ATP10D: variants seen among roughly 807,000 people sequenced by gnomAD.
The protein encoded by ATP10D is phospholipid-transporting ATPase VD.
ATP10D carries 89 observed loss-of-function variants against 144.8 expected under a neutral mutation model. That is an observed-to-expected ratio of 0.61 (90% CI 0.52 to 0.73). ATP10D has a LOEUF of 0.73. ATP10D is among the 30% of genes least tolerant of loss of function. ATP10D has a pLI of 0.00. For missense variants in ATP10D, 1,603 were observed against 1,714.8 expected, an observed-to-expected ratio of 0.93 and a Z score of 1.15; for synonymous variants, 571 against 615.1, an observed-to-expected ratio of 0.93 and a Z score of 1.06.
At chr4:47,549,240 A>G in intron 10 of ATP10D, among the ~76,000 whole-genome samples, 1 of 152,208 alleles carries the variant, frequency 6.6e-6, no homozygotes, top group Non-Finnish European at 1.5e-5. Context: ...CTTCTCTTAG[A>G]TCTTTGTATA....
chr4:47,558,806 A>G, intron 12 of ATP10D, 117 bp from the exon 13 acceptor site: 1 of 819,146 alleles, frequency 1.2e-6, no homozygotes, highest in Non-Finnish European at 1.9e-6. Flanking sequence ...TGGGATTCAA[A>G]ACCAGAAGGC....
At position 47,535,510 on chromosome 4, in the gene ATP10D, G is replaced by A; in HGVS notation, c.778G>A (p.Glu260Lys). ...NDLSRFRGFLEHSNKERVGLS... is the reference protein window; with the variant it reads ...NDLSRFRGFLKHSNKERVGLS... ...ATTTATATGCTGTCTTTCTTATAGA[G>A]AACATTCCAACAAAGAACGCGTGGG... Residue 260 changes from glutamate to lysine, a missense_variant and splice_region_variant, in exon 6 of 23, where the codon GAA (glutamate) becomes AAA (lysine). Physicochemically the swap from Glu to Lys is moderately conservative, Grantham distance 56. Transcript: ENST00000273859. 3 of 1,607,652 alleles carry A rather than the reference G, an allele frequency of 1.9e-6. No homozygotes were observed. The highest frequency in any genetic ancestry group is 2.5e-6 in the Non-Finnish European group (3 of 1,177,584).
intron 5 of ATP10D, among the ~76,000 whole-genome samples, chr4:47,532,274 A>G (rs372268018): frequency 2.4e-4 from 36 of 152,238 alleles, no homozygotes; most frequent in African/African-American, 7.5e-4. Context: ...CCAAGGCCCT[A>G]TTAGCTTTCT....
intron 15 of ATP10D, among the ~76,000 whole-genome samples, chr4:47,566,126 A>G (rs537135512): frequency 6.6e-6 from 1 of 152,314 alleles, no homozygotes; most frequent in South Asian, 2.1e-4. Context: ...TGCTCCTATA[A>G]CATTCTAAGC....
At chr4:47,535,790 A>C in intron 6 of ATP10D, 112 bp from the exon 7 acceptor site, 3 of 1,363,230 alleles carry the variant, frequency 2.2e-6, no homozygotes, top group Non-Finnish European at 3.0e-6. Context: ...CTGACAAAAT[A>C]GATCATGTAA....
intron 21 of ATP10D, among the ~76,000 whole-genome samples, chr4:47,585,349 TA>T (rs1360041289): frequency 1.3e-5 from 2 of 152,164 alleles, no homozygotes; most frequent in East Asian, 3.8e-4. Context: ...AATCTTTTTT[TA>T]TTTCTAAAAT....
Position 47,563,576 on chromosome 4 carries a change from T to G in ATP10D, c.2669-5T>G, listed in dbSNP as rs758417978. Reference sequence around the variant, plus strand: ...AAGTCCTATTGCACTTTGGTTATTTTTTAGGTGCTACTGGCATTGAAGACC... The same window carrying G: ...AAGTCCTATTGCACTTTGGTTATTTGTTAGGTGCTACTGGCATTGAAGACC... On this transcript the variant is annotated splice_region_variant and splice_polypyrimidine_tract_variant and intron_variant, in intron 14 of 22. Transcript: ENST00000273859. 2 of 1,595,714 alleles carry G rather than the reference T, an allele frequency of 1.3e-6. No individual in the cohort carries two copies. Among genetic ancestry groups the G allele is most frequent in the South Asian group, 2.3e-5 (2 of 87,750 alleles).
intron 1 of ATP10D, among the ~76,000 whole-genome samples, chr4:47,489,858 A>G (rs1714981638): frequency 6.6e-6 from 1 of 152,220 alleles, no homozygotes; most frequent in African/African-American, 2.4e-5. Flanking sequence ...TTCATTTGCC[A>G]GGGCCTACGG....
rs1186627827 is a variant in ATP10D at position 47,491,439 on chromosome 4, C to T, written c.-38+5920C>T. 14 of 712,062 alleles carry T rather than the reference C, an allele frequency of 2.0e-5. No individual in the cohort carries two copies. In the East Asian group the frequency reaches 3.6e-4, roughly 18 times the overall value. The allele number at this position is 712,062 out of a possible 1,614,324, so 44.1% of individuals were successfully genotyped here. On this transcript the variant is annotated intron_variant, in intron 1 of 22. Coordinates refer to ENST00000273859, the MANE Select transcript of ATP10D (RefSeq NM_020453.4). ...AGAGAACATGTATGGGGTGCCGCTC[C>T]TCTTTCCCTTTGTGTTTGTCATTTT...
chr4:47,495,886 C>A (rs747003958), intron 1 of ATP10D, among the ~76,000 whole-genome samples: 1 of 151,794 alleles, frequency 6.6e-6, no homozygotes, highest in Non-Finnish European at 1.5e-5. Flanking sequence ...TACCGGCATG[C>A]GCCACCGCGC....
chr4:47,537,345 A>G (rs1717910153), intron 9 of ATP10D, among the ~76,000 whole-genome samples: 1 of 152,190 alleles, frequency 6.6e-6, no homozygotes, highest in Admixed American at 6.5e-5. Context: ...TGCTTGATTA[A>G]GAATAACTAG....
chr4:47,564,075 A>G (rs1006489761), intron 15 of ATP10D, among the ~76,000 whole-genome samples: 1 of 152,166 alleles, frequency 6.6e-6, no homozygotes, highest in African/African-American at 2.4e-5. Context: ...TATTTTTAGT[A>G]GAGACGGGGT....
chr4:47,572,054 G>A (rs904455293), intron 16 of ATP10D, 100 bp from the exon 17 acceptor site: 28 of 1,066,972 alleles, frequency 2.6e-5, no homozygotes, highest in Non-Finnish European at 3.4e-5. Context: ...GAACTTTGAA[G>A]GATTTATTTG....
At chr4:47,529,618 T>G (rs962558713) in intron 5 of ATP10D, among the ~76,000 whole-genome samples, 5 of 152,168 alleles carry the variant, frequency 3.3e-5, no homozygotes, top group Non-Finnish European at 2.9e-5. Flanking sequence ...TTGTTTTGGC[T>G]ATTGTGACTT....
intron 5 of ATP10D, 80 bp from the exon 6 acceptor site, chr4:47,535,429 C>A (rs1459148180): frequency 2.7e-6 from 3 of 1,103,156 alleles, no homozygotes; most frequent in East Asian, 2.8e-5. Context: ...AAGTCAAAAA[C>A]ATTCAAGGGC....
At chr4:47,564,279 A>G (rs573517129) in intron 15 of ATP10D, among the ~76,000 whole-genome samples, 1 of 152,262 alleles carries the variant, frequency 6.6e-6, no homozygotes, top group South Asian at 2.1e-4. Flanking sequence ...GGCCTGATGG[A>G]AAATTATAAT....
chr4:47,507,155 A>T (rs1042369073), intron 1 of ATP10D, among the ~76,000 whole-genome samples: 1 of 152,260 alleles, frequency 6.6e-6, no homozygotes, highest in Non-Finnish European at 1.5e-5. Flanking sequence ...CTGTGCACAC[A>T]AATTCTCAGC....
chr4:47,513,798 T>TA (rs1452305530), intron 2 of ATP10D, among the ~76,000 whole-genome samples: 1 of 152,230 alleles, frequency 6.6e-6, no homozygotes, highest in Non-Finnish European at 1.5e-5. Flanking sequence ...TTACCATGCT[T>TA]ACGTCAGTAT....
At chr4:47,528,200 G>A (rs972209999) in intron 5 of ATP10D, among the ~76,000 whole-genome samples, 21 of 152,116 alleles carry the variant, frequency 1.4e-4, no homozygotes, top group African/African-American at 4.8e-4. Flanking sequence ...CTCCCGAATG[G>A]TGAACGTTGT....
Sources: gnomAD v4.1 joint callset for allele counts (sites outside exome capture counted in the v4.1 genomes callset) on GRCh38, gnomAD v4.1.1 for gene constraint, MANE v1.5 for transcripts, NCBI Gene and HGNC (gene_info 2026-07-23, HGNC 2026-07-21) for gene names.